ZC3H12B: variants seen among roughly 807,000 people sequenced by gnomAD.
The protein encoded by ZC3H12B is probable ribonuclease ZC3H12B.
ZC3H12B carries 7 observed loss-of-function variants against 43.9 expected under a neutral mutation model. That is an observed-to-expected ratio of 0.16 (90% CI 0.09 to 0.30). The LOEUF (loss-of-function observed/expected upper bound fraction) is 0.30, where lower values mean the gene tolerates loss of function less well. Among genes scored for constraint, ZC3H12B ranks in the 10% least tolerant of loss-of-function variants. The pLI is 1.00. For synonymous variants in ZC3H12B, 222 were observed against 241.7 expected, an observed-to-expected ratio of 0.92 and a Z score of 0.76; for missense variants, 475 against 670.2, an observed-to-expected ratio of 0.71 and a Z score of 3.22.
At chrX:65,462,527 TA>T (rs911050836) in intron 3 of ZC3H12B, among the ~76,000 whole-genome samples, 2 of 111,757 alleles carry the variant, frequency 1.8e-5, no homozygotes, top group Non-Finnish European at 3.8e-5. Flanking sequence ...TAAAATAGAA[TA>T]AAAAACTTCA....
chrX:65,140,307 G>A, the ZC3H12B span, among the ~76,000 whole-genome samples: 1 of 110,982 alleles, frequency 9.0e-6, no homozygotes, highest in Non-Finnish European at 1.9e-5. Context: ...TATTACGAAG[G>A]GATGTTGAAT....
the ZC3H12B span, among the ~76,000 whole-genome samples, chrX:65,254,571 G>T: frequency 4.5e-5 from 5 of 112,129 alleles, no homozygotes; most frequent in African/African-American, 1.3e-4. Context: ...TCAAAAGATA[G>T]CAACTTCAAA....
the ZC3H12B span, among the ~76,000 whole-genome samples, chrX:65,347,135 C>T: frequency 8.9e-6 from 1 of 112,087 alleles, no homozygotes. Flanking sequence ...TGTTCTGTAG[C>T]CTCTGCTACT....
At chrX:65,449,089 CA>C (rs2067432966) in intron 3 of ZC3H12B, among the ~76,000 whole-genome samples, 1 of 108,744 alleles carries the variant, frequency 9.2e-6, no homozygotes, top group Non-Finnish European at 1.9e-5. Context: ...GAAAGAGAAA[CA>C]GAAAGAAAAG....
chrX:65,183,861 G>A, the ZC3H12B span, among the ~76,000 whole-genome samples: 2 of 111,410 alleles, frequency 1.8e-5, no homozygotes, highest in African/African-American at 6.5e-5. Context: ...TGGAAATTAG[G>A]AAATAATTTG....
At chrX:65,296,707 G>A in the ZC3H12B span, among the ~76,000 whole-genome samples, 1 of 110,598 alleles carries the variant, frequency 9.0e-6, no homozygotes, top group Non-Finnish European at 1.9e-5. Flanking sequence ...AACAAAAAAA[G>A]GAAAATACAG....
the ZC3H12B span, among the ~76,000 whole-genome samples, chrX:65,292,556 A>G: frequency 8.1e-5 from 9 of 111,403 alleles, no homozygotes; most frequent in Middle Eastern, 4.6e-3. Context: ...CTGTGCAACA[A>G]GCAAACTACT....
the ZC3H12B span, among the ~76,000 whole-genome samples, chrX:65,157,865 G>A: frequency 1.9e-5 from 2 of 104,224 alleles, no homozygotes; most frequent in African/African-American, 6.9e-5. Context: ...CTGGTGTGCT[G>A]CACCCATTAA....
At chrX:65,211,832 T>C in the ZC3H12B span, among the ~76,000 whole-genome samples, 6 of 80,399 alleles carry the variant, frequency 7.5e-5, no homozygotes, top group Non-Finnish European at 1.3e-4. Flanking sequence ...TTATGTATAC[T>C]ATATAATATA....
chrX:65,275,609 A>C, the ZC3H12B span, among the ~76,000 whole-genome samples: 1 of 112,953 alleles, frequency 8.9e-6, no homozygotes, highest in South Asian at 3.6e-4. Flanking sequence ...ACAGCTGAAG[A>C]AATTACAGAG....
the ZC3H12B span, among the ~76,000 whole-genome samples, chrX:65,196,673 A>G: frequency 9.0e-6 from 1 of 111,335 alleles, no homozygotes; most frequent in South Asian, 3.8e-4. Flanking sequence ...CTTTAATGTT[A>G]TGGGCTTTAA....
At chrX:65,107,000 G>A in the ZC3H12B span, among the ~76,000 whole-genome samples, 6 of 111,255 alleles carry the variant, frequency 5.4e-5, no homozygotes, top group African/African-American at 2.0e-4. Flanking sequence ...AGATATTCAC[G>A]TGGAGATGGA....
the ZC3H12B span, among the ~76,000 whole-genome samples, chrX:65,090,254 T>A: frequency 1.1e-4 from 12 of 111,752 alleles, no homozygotes; most frequent in East Asian, 3.4e-3. Flanking sequence ...AATTTTTCAG[T>A]TCCATTATAA....
At chrX:65,456,974 C>T (rs1397841808) in intron 3 of ZC3H12B, among the ~76,000 whole-genome samples, 1 of 101,149 alleles carries the variant, frequency 9.9e-6, no homozygotes, top group Non-Finnish European at 2.0e-5. Context: ...TCTGCCTGGC[C>T]GCCATCCCAT....
chrX:65,378,353 A>G (rs1003947399), intron 2 of ZC3H12B, among the ~76,000 whole-genome samples: 4 of 111,813 alleles, frequency 3.6e-5, no homozygotes, highest in African/African-American at 9.7e-5. Context: ...AGTTTACTTT[A>G]TTCTTGTTTG....
the ZC3H12B span, among the ~76,000 whole-genome samples, chrX:65,168,073 T>C: frequency 8.9e-6 from 1 of 111,929 alleles, no homozygotes; most frequent in African/African-American, 3.2e-5. Flanking sequence ...CAACACTATG[T>C]TGAATAGGAG....
intron 3 of ZC3H12B, among the ~76,000 whole-genome samples, chrX:65,401,119 T>A (rs2066757486): frequency 9.2e-6 from 1 of 108,198 alleles, no homozygotes; most frequent in Non-Finnish European, 1.9e-5. Flanking sequence ...GAACCAAAAA[T>A]CAGATGAGCC....
At chrX:65,097,020 A>G in the ZC3H12B span, among the ~76,000 whole-genome samples, 1 of 111,544 alleles carries the variant, frequency 9.0e-6, no homozygotes, top group Non-Finnish European at 1.9e-5. Flanking sequence ...CTAGCCATCC[A>G]ACCCAGATTT....
the ZC3H12B span, among the ~76,000 whole-genome samples, chrX:65,348,241 T>C: frequency 1.8e-5 from 2 of 111,794 alleles, no homozygotes; most frequent in South Asian, 7.4e-4. Context: ...TAAAAAATAA[T>C]CAAAAATAAA....
Sources: allele counts gnomAD v4.1 joint callset (sites outside exome capture counted in the v4.1 genomes callset), GRCh38; gene constraint gnomAD v4.1.1; transcripts MANE v1.5; gene names NCBI Gene and HGNC (gene_info 2026-07-23, HGNC 2026-07-21).